The following FMNL2 variants were observed in gnomAD, a reference collection of about 807,000 sequenced individuals.
FMNL2 encodes the protein formin like 2.
In FMNL2, 51 loss-of-function variants were observed where a neutral mutation model predicts 130.2. That is an observed-to-expected ratio of 0.39 (90% confidence interval 0.31 to 0.49). FMNL2 has a LOEUF of 0.49. FMNL2 is among the 20% of genes least tolerant of loss of function. The probability of loss-of-function intolerance (pLI) is 0.85; values close to 1 mark genes in which losing one functional copy is unlikely to be tolerated. For missense variants in FMNL2, 977 were observed against 1,316.2 expected, an observed-to-expected ratio of 0.74 and a Z score of 3.99; for synonymous variants, 465 against 467.1, an observed-to-expected ratio of 1.00 and a Z score of 0.06.
intron 6 of FMNL2, among the ~76,000 whole-genome samples, chr2:152,564,600 G>A (rs556485495): frequency 1.1e-4 from 17 of 151,998 alleles, no homozygotes; most frequent in African/African-American, 4.1e-4. Flanking sequence ...GGGTGTGGTG[G>A]TGCACACCTG....
chr2:152,414,269 C>G lies in FMNL2; in HGVS notation c.117+78549C>G, dbSNP rs1283082602. 3.9e-5 allele frequency among the ~76,000 whole-genome samples: 6 copies of G among 152,240 alleles called. No homozygotes were observed. The East Asian group carries it at 1.2e-3, about 29-fold the overall frequency. ...TACAGTCTAATACAGACTCTTTCAC[C>G]TCTTTGTTTTTTGTATATTGCTTTC... On this transcript the variant is annotated intron_variant, in intron 1 of 25. Transcript: ENST00000288670.
chr2:152,364,936 A>T (rs952840288), intron 1 of FMNL2, among the ~76,000 whole-genome samples: 5 of 152,242 alleles, frequency 3.3e-5, no homozygotes, highest in Non-Finnish European at 7.3e-5. Context: ...GAAAATTGAG[A>T]TATAACATGA....
chr2:152,418,823 G>A (rs1429872335), intron 1 of FMNL2, among the ~76,000 whole-genome samples: 1 of 152,078 alleles, frequency 6.6e-6, no homozygotes, highest in Non-Finnish European at 1.5e-5. Flanking sequence ...GTATGTAACT[G>A]GAAGTGGAGT....
chr2:152,525,083 A>C (rs917987257), intron 2 of FMNL2, among the ~76,000 whole-genome samples: 4 of 152,188 alleles, frequency 2.6e-5, no homozygotes, highest in African/African-American at 9.7e-5. Context: ...GAGTAGGCCA[A>C]TGCCAAGGTC....
At chr2:152,582,957 A>G (rs540319709) in intron 9 of FMNL2, among the ~76,000 whole-genome samples, 1 of 152,344 alleles carries the variant, frequency 6.6e-6, no homozygotes, top group South Asian at 2.1e-4. Context: ...CCAGGAATTC[A>G]TGAGATGAAT....
chr2:152,431,472 C>T (rs1687487426), intron 1 of FMNL2, among the ~76,000 whole-genome samples: 1 of 152,154 alleles, frequency 6.6e-6, no homozygotes, highest in African/African-American at 2.4e-5. Flanking sequence ...TTATGGATCA[C>T]ATTATGAGAT....
intron 1 of FMNL2, among the ~76,000 whole-genome samples, chr2:152,336,206 C>T (rs1245744579): frequency 6.6e-5 from 10 of 152,098 alleles, no homozygotes; most frequent in Admixed American, 5.9e-4. Context: ...TGTGGCCGGC[C>T]GCGGGCGCCG....
rs370039718 is a variant in FMNL2 at position 152,483,016 on chromosome 2, C to T, written c.118-38927C>T. Among the ~76,000 whole-genome samples the T allele has an allele frequency of 2.2e-4, 34 of 152,132 alleles. No homozygotes were observed. In the East Asian group the frequency reaches 5.8e-3, roughly 26 times the overall value. On this transcript the variant is annotated intron_variant, in intron 1 of 25. Transcript: ENST00000288670. ...GGGGGCAGGCACCTATTTTATTTTACCTAGATAAATAAATAAATCCAATCC... is the reference window on the plus strand; with the variant it reads ...GGGGGCAGGCACCTATTTTATTTTATCTAGATAAATAAATAAATCCAATCC...
At chr2:152,605,824 G>A (rs973673803) in intron 9 of FMNL2, among the ~76,000 whole-genome samples, 1 of 152,168 alleles carries the variant, frequency 6.6e-6, no homozygotes, top group Non-Finnish European at 1.5e-5. Context: ...TCACTTTAAC[G>A]TTCCCAGCGT....
intron 1 of FMNL2, among the ~76,000 whole-genome samples, chr2:152,413,601 GTAGT>G (rs1489190753): frequency 6.6e-6 from 1 of 152,160 alleles, no homozygotes; most frequent in Non-Finnish European, 1.5e-5. Context: ...CCCCAGAAAA[GTAGT>G]TAGGCAGTTT....
chr2:152,371,511 G>C (rs36012952), intron 1 of FMNL2, among the ~76,000 whole-genome samples: 16,791 of 151,424 alleles, frequency 0.11, 2,198 homozygotes, highest in East Asian at 0.68. Context: ...TCTACTAAAA[G>C]TACAAAAATT....
At position 152,364,259 on chromosome 2, in the gene FMNL2, G is replaced by GTTTTTTTT. The variant is rs1163993397; in HGVS notation, c.117+28540_117+28541insTTTTTTTT. Among the ~76,000 whole-genome samples the GTTTTTTTT allele has an allele frequency of 6.7e-4, 68 of 100,756 alleles. 2 individuals are homozygous for GTTTTTTTT. The highest frequency in any genetic ancestry group is 4.7e-3 in the East Asian group (7 of 1,476). 66.1% of individuals were successfully genotyped at this position (100,756 alleles called of 152,430 possible). On this transcript the variant is annotated intron_variant, in intron 1 of 25. Transcript: ENST00000288670. ...GTTTCACATCCGTTAGGAGGTTTGT[G>GTTTTTTTT]TGTTTTTTTTTTTTTTTTTTTTTTT...
intron 1 of FMNL2, among the ~76,000 whole-genome samples, chr2:152,452,210 G>A (rs1387882212): frequency 1.3e-5 from 2 of 152,158 alleles, no homozygotes; most frequent in African/African-American, 4.8e-5. Flanking sequence ...AAAGACAGTT[G>A]AGGGACTTGC....
chr2:152,412,642 T>TA (rs67223391), intron 1 of FMNL2, among the ~76,000 whole-genome samples: 5 of 149,902 alleles, frequency 3.3e-5, no homozygotes, highest in East Asian at 2.0e-4. Context: ...CCCCATCTCT[T>TA]AAAAAAAATA....
At chr2:152,370,120 G>A (rs1683789788) in intron 1 of FMNL2, among the ~76,000 whole-genome samples, 1 of 152,176 alleles carries the variant, frequency 6.6e-6, no homozygotes, top group African/African-American at 2.4e-5. Flanking sequence ...CTTAGTTCAG[G>A]CTGGTATAAC....
chr2:152,365,180 G>A (rs1425348696), intron 1 of FMNL2, among the ~76,000 whole-genome samples: 1 of 152,206 alleles, frequency 6.6e-6, no homozygotes, highest in Non-Finnish European at 1.5e-5. Flanking sequence ...TGGAGGCAGA[G>A]ATTGACGAGG....
At chr2:152,605,313 T>C (rs1698306017) in intron 9 of FMNL2, among the ~76,000 whole-genome samples, 1 of 146,728 alleles carries the variant, frequency 6.8e-6, no homozygotes, top group African/African-American at 2.7e-5. Flanking sequence ...TGTGCGTGTG[T>C]GTGTGCGTGT....
chr2:152,573,712 A>G (rs1400699409), intron 6 of FMNL2, among the ~76,000 whole-genome samples: 2 of 152,216 alleles, frequency 1.3e-5, no homozygotes, highest in Non-Finnish European at 2.9e-5. Context: ...TATATAAACA[A>G]ATAATTGGAG....
rs761371898 is a variant in FMNL2 at position 152,335,562 on chromosome 2, C to G, written c.-42C>G. On this transcript the variant is annotated 5_prime_UTR_variant, in exon 1 of 26. Coordinates refer to ENST00000288670, the MANE Select transcript of FMNL2 (RefSeq NM_052905.4). ...GCTGTTCTGATTTCCGACGCGCACGCTAGGGGCCCGGAGCAGCCCCCGGCC... is the reference window on the plus strand; with the variant it reads ...GCTGTTCTGATTTCCGACGCGCACGGTAGGGGCCCGGAGCAGCCCCCGGCC... 2.6e-6 allele frequency: 4 copies of G among 1,525,534 alleles called. No individual in the cohort carries two copies. In the South Asian group the frequency reaches 3.5e-5, roughly 13 times the overall value. 94.5% of individuals were successfully genotyped at this position (1,525,534 alleles called of 1,614,324 possible).
Sources: gnomAD v4.1 joint callset for allele counts (sites outside exome capture counted in the v4.1 genomes callset) on GRCh38, gnomAD v4.1.1 for gene constraint, MANE v1.5 for transcripts, NCBI Gene and HGNC (gene_info 2026-07-23, HGNC 2026-07-21) for gene names.